Variants in PHTF2 observed in about 807,000 individuals in gnomAD.
The protein encoded by PHTF2 is protein PHTF2.
A neutral mutation model predicts 101.2 loss-of-function variants in PHTF2; 60 were observed. The ratio of observed to expected loss-of-function variants is 0.59; its 90% CI spans 0.48 to 0.73. PHTF2 has a LOEUF of 0.73. Ranked by LOEUF, PHTF2 falls within the 30% of genes least tolerant of loss-of-function variation. The pLI is 0.00. For synonymous variants in PHTF2, 311 were observed against 307.3 expected (o/e 1.01, Z -0.13); for missense variants, 747 against 908.7 (o/e 0.82, Z 2.29).
At chr7:77,934,606 T>A (rs1349360901) in intron 12 of PHTF2, among the ~76,000 whole-genome samples, 1 of 152,242 alleles carries the variant, frequency 6.6e-6, no homozygotes, top group Non-Finnish European at 1.5e-5. Context: ...GGATCTGTGA[T>A]GCTGTCTTCA....
chr7:77,864,343 C>A (rs746741632), intron 3 of PHTF2, among the ~76,000 whole-genome samples: 2 of 152,164 alleles, frequency 1.3e-5, no homozygotes, highest in African/African-American at 4.8e-5. Flanking sequence ...TTTCTCACAT[C>A]CACCAGAGTG....
intron 1 of PHTF2, among the ~76,000 whole-genome samples, chr7:77,829,161 G>T (rs1368123593): frequency 6.6e-6 from 1 of 152,136 alleles, no homozygotes; most frequent in Non-Finnish European, 1.5e-5. Flanking sequence ...AGCCTAGGTG[G>T]CAGAGTGAGA....
intron 1 of PHTF2, among the ~76,000 whole-genome samples, chr7:77,805,930 T>G: frequency 6.6e-6 from 1 of 152,200 alleles, no homozygotes; most frequent in East Asian, 1.9e-4. Flanking sequence ...ATCCCAGCAC[T>G]TTGGGAGGCC....
rs1202320048 is a variant in PHTF2 at position 77,930,558 on chromosome 7, A to C, written c.1338+1231A>C. Among the ~76,000 whole-genome samples, 3 of 152,188 alleles carry C rather than the reference A, an allele frequency of 2.0e-5. No homozygotes were observed. In the East Asian group the frequency reaches 5.8e-4, roughly 29 times the overall value. ...AGTAAAGTCAGAAAACTCGAGAAAA[A>C]AAAGAGAACTTTCAATCTGATAAAA... On this transcript the variant is annotated intron_variant, in intron 12 of 19. Transcript: ENST00000416283.
chr7:77,857,178 A>T (rs894790083), intron 3 of PHTF2, among the ~76,000 whole-genome samples: 2 of 152,164 alleles, frequency 1.3e-5, no homozygotes, highest in South Asian at 4.1e-4. Context: ...CAAAAATTAG[A>T]GCTGATAGGA....
intron 1 of PHTF2, among the ~76,000 whole-genome samples, chr7:77,814,179 G>A (rs944856579): frequency 2.0e-5 from 3 of 152,136 alleles, no homozygotes; most frequent in African/African-American, 7.2e-5. Flanking sequence ...ATTGTTCACA[G>A]CTGTGTTAAT....
In PHTF2 at chr7:77,900,673, A is replaced by G. The variant is rs747914069; in HGVS notation, c.217-38A>G. On this transcript the variant is annotated intron_variant, in intron 5 of 19. Transcript: ENST00000416283. ...ATTTTCTCCTGTTCTAGATTTAAGTATATATACAATTCCAATGCTTCTTTT... is the reference window on the plus strand; with the variant it reads ...ATTTTCTCCTGTTCTAGATTTAAGTGTATATACAATTCCAATGCTTCTTTT... The G allele has an allele frequency of 4.1e-6, 4 of 965,948 alleles. No homozygotes were observed. The East Asian group carries it at 7.2e-5, about 17-fold the overall frequency. The allele number at this position is 965,948 out of a possible 1,614,324, so 59.8% of individuals were successfully genotyped here.
chr7:77,853,640 T>C (rs1248483061), intron 2 of PHTF2, among the ~76,000 whole-genome samples: 1 of 152,090 alleles, frequency 6.6e-6, no homozygotes, highest in Non-Finnish European at 1.5e-5. Context: ...GCAATTCGCC[T>C]ACCTCGGCCT....
chr7:77,863,572 ATTT>A (rs1015359710), intron 3 of PHTF2, among the ~76,000 whole-genome samples: 1 of 149,954 alleles, frequency 6.7e-6, no homozygotes, highest in African/African-American at 2.4e-5. Flanking sequence ...AGGATTAAAG[ATTT>A]TTTTTTTCTT....
In PHTF2 at chr7:77,901,760, AG is replaced by A; in HGVS notation, c.288del. 1 of 1,476,540 alleles carries A rather than the reference AG, an allele frequency of 6.8e-7. No individual in the cohort carries two copies. The highest frequency in any genetic ancestry group is 1.5e-5 in the South Asian group (1 of 67,630). The allele number at this position is 1,476,540 out of a possible 1,614,324, so 91.5% of individuals were successfully genotyped here. ...TCTGTTGTCCTATTTTACTTTTTTCAGGGTCTGCATTTGCAAAGGCAAAGCC... is the reference window on the plus strand; with the variant it reads ...TCTGTTGTCCTATTTTACTTTTTTCAGGTCTGCATTTGCAAAGGCAAAGCC... On this transcript the variant is annotated splice_acceptor_variant, in intron 6 of 19. Transcript: ENST00000416283. LOFTEE classifies it high-confidence loss of function.
At chr7:77,878,961 G>A (rs777573066) in intron 3 of PHTF2, among the ~76,000 whole-genome samples, 1 of 152,168 alleles carries the variant, frequency 6.6e-6, no homozygotes, top group Non-Finnish European at 1.5e-5. Flanking sequence ...ATGTTATCTA[G>A]TTCACCTGGC....
chr7:77,832,385 G>A (rs919256860), intron 1 of PHTF2, among the ~76,000 whole-genome samples: 10 of 152,150 alleles, frequency 6.6e-5, no homozygotes, highest in East Asian at 1.9e-4. Context: ...GAAGACCCCC[G>A]AACTGGGAAG....
intron 18 of PHTF2, 75 bp from the exon 18 acceptor site, chr7:77,953,694 T>G: frequency 7.8e-7 from 1 of 1,279,856 alleles, no homozygotes; most frequent in Middle Eastern, 2.0e-4. Context: ...TTTTTAATTC[T>G]CATTGTATAT....
intron 1 of PHTF2, among the ~76,000 whole-genome samples, chr7:77,803,688 CGTGTGTGT>C (rs34239792): frequency 1.8e-4 from 25 of 140,958 alleles, no homozygotes; most frequent in South Asian, 1.4e-3. Context: ...GTTGAACAGG[CGTGTGTGT>C]GTGTGTGTGT....
At chr7:77,910,283 A>C (rs1245666024) in exon 9 of PHTF2, 2 of 1,613,572 alleles carry the variant, frequency 1.2e-6, no homozygotes, top group Non-Finnish European at 1.7e-6. Flanking sequence ...GTACATAGGG[A>C]AGGAGATGGT....
intron 3 of PHTF2, among the ~76,000 whole-genome samples, chr7:77,881,380 A>G (rs569717177): frequency 1.3e-5 from 2 of 152,062 alleles, no homozygotes; most frequent in Admixed American, 6.5e-5. Context: ...AATGTATTCA[A>G]TTTCCTTAGG....
intron 1 of PHTF2, among the ~76,000 whole-genome samples, chr7:77,811,305 A>G (rs1372816958): frequency 1.3e-5 from 2 of 152,238 alleles, no homozygotes; most frequent in Non-Finnish European, 2.9e-5. Flanking sequence ...GTTACTGGTG[A>G]TGATAACTTT....
At chr7:77,935,214 CTTTTTTTTTTTT>C (rs1158677069) in intron 12 of PHTF2, among the ~76,000 whole-genome samples, 11 of 59,278 alleles carry the variant, frequency 1.9e-4, no homozygotes, top group Non-Finnish European at 2.9e-4. Context: ...GTAATTTACC[CTTTTTTTTTTTT>C]TTTTTTTTTT....
At chr7:77,955,521 A>G (rs1489252016) in exon 20 of PHTF2, 1 of 152,568 alleles carries the variant, frequency 6.6e-6, no homozygotes, top group Non-Finnish European at 1.5e-5. Flanking sequence ...ATAAAAATTA[A>G]CTAGTAATAC....
Sources: gnomAD v4.1 joint callset for allele counts (sites outside exome capture counted in the v4.1 genomes callset) on GRCh38, gnomAD v4.1.1 for gene constraint, MANE v1.5 for transcripts, NCBI Gene and HGNC (gene_info 2026-07-23, HGNC 2026-07-21) for gene names.